Variants in FBXL17 observed in about 807,000 individuals in gnomAD.
FBXL17 encodes F-box and leucine rich repeat protein 17.
Under a neutral mutation model 66.2 loss-of-function variants are expected in FBXL17, and 22 were observed. The observed-to-expected ratio is 0.33, with a 90% CI of 0.24 to 0.47. The LOEUF is 0.47. Among genes scored for constraint, FBXL17 ranks in the 20% least tolerant of loss-of-function variants. The probability of loss-of-function intolerance (pLI) is 1.00; values close to 1 mark genes in which losing one functional copy is unlikely to be tolerated. For synonymous variants in FBXL17, 474 were observed against 400.5 expected (o/e 1.18, Z -2.19); for missense variants, 878 against 948.2 (o/e 0.93, Z 0.97).
chr5:108,131,501 C>G (rs1346321006), intron 6 of FBXL17, among the ~76,000 whole-genome samples: 1 of 152,072 alleles, frequency 6.6e-6, no homozygotes, highest in Non-Finnish European at 1.5e-5. Context: ...TGAGAACCTA[C>G]ACCTTAGAAG....
At chr5:108,326,316 G>T (rs1314947618) in intron 4 of FBXL17, among the ~76,000 whole-genome samples, 4 of 152,088 alleles carry the variant, frequency 2.6e-5, no homozygotes, top group Non-Finnish European at 5.9e-5. Flanking sequence ...GATTTGGCTG[G>T]GCGCAGTGGC....
chr5:107,908,562 A>G (rs1749838671), intron 7 of FBXL17, among the ~76,000 whole-genome samples: 1 of 152,212 alleles, frequency 6.6e-6, no homozygotes, highest in African/African-American at 2.4e-5. Flanking sequence ...TATGCAATTA[A>G]TTCTCCATAA....
intron 7 of FBXL17, among the ~76,000 whole-genome samples, chr5:107,955,317 T>C (rs1413903685): frequency 6.6e-6 from 1 of 151,986 alleles, no homozygotes; most frequent in Non-Finnish European, 1.5e-5. Flanking sequence ...TTAGAGTGTC[T>C]AACGTGAGTA....
intron 6 of FBXL17, among the ~76,000 whole-genome samples, chr5:108,104,840 T>C (rs1353506863): frequency 6.6e-6 from 1 of 152,148 alleles, no homozygotes; most frequent in Non-Finnish European, 1.5e-5. Context: ...TTTTTTGTTT[T>C]GTTTTGTTTT....
Position 108,025,727 on chromosome 5 carries a change from G to A in FBXL17, c.1746-4726C>T, listed in dbSNP as rs371246624. Among the ~76,000 whole-genome samples, 241 of 141,230 alleles carry A rather than the reference G, an allele frequency of 1.7e-3. 1 individual carries two copies. Among genetic ancestry groups the A allele is most frequent in the Middle Eastern group, 0.011 (3 of 278 alleles). 92.7% of individuals were successfully genotyped at this position (141,230 alleles called of 152,430 possible). ...CAAACACACACACACACGCGCGCGC[G>A]CACACACACACACACACACACACAC... On this transcript the variant is annotated intron_variant, in intron 6 of 8. Coordinates refer to ENST00000542267, the MANE Select transcript of FBXL17 (RefSeq NM_001163315.3).
intron 6 of FBXL17, among the ~76,000 whole-genome samples, chr5:108,025,721 G>A (rs12655498): frequency 0.15 from 18,195 of 120,126 alleles, 1,335 homozygotes; most frequent in East Asian, 0.22. Context: ...ACACACACGC[G>A]CGCGCGCACA....
chr5:107,982,323 C>T (rs1423932778), intron 7 of FBXL17, among the ~76,000 whole-genome samples: 1 of 152,056 alleles, frequency 6.6e-6, no homozygotes, highest in African/African-American at 2.4e-5. Flanking sequence ...ACCTTATCTA[C>T]ACAAAAGGCT....
At chr5:108,024,953 T>C (rs1301673456) in intron 6 of FBXL17, among the ~76,000 whole-genome samples, 1 of 152,186 alleles carries the variant, frequency 6.6e-6, no homozygotes, top group Non-Finnish European at 1.5e-5. Flanking sequence ...TAAAGGTTAA[T>C]GAATTAAGCT....
At chr5:108,013,781 T>C (rs1442155418) in intron 7 of FBXL17, among the ~76,000 whole-genome samples, 2 of 152,192 alleles carry the variant, frequency 1.3e-5, no homozygotes, top group Non-Finnish European at 2.9e-5. Context: ...GCTGATTTCC[T>C]ACCCAATGCT....
At chr5:108,171,701 T>G (rs558254829) in intron 6 of FBXL17, among the ~76,000 whole-genome samples, 192 of 152,354 alleles carry the variant, frequency 1.3e-3, no homozygotes, top group Middle Eastern at 0.01. Context: ...GCCAAGCAAT[T>G]CTGCTAGTTT....
Position 108,153,288 on chromosome 5 carries a change from TGG to T in FBXL17, c.1745+32827_1745+32828del, listed in dbSNP as rs371016975. 4.2e-3 allele frequency among the ~76,000 whole-genome samples: 640 copies of T among 152,336 alleles called. 3 individuals are homozygous for T. Among genetic ancestry groups the T allele is most frequent in the African/African-American group, 0.015 (611 of 41,566 alleles). On this transcript the variant is annotated intron_variant, in intron 6 of 8. Transcript: ENST00000542267. The stretch of plus-strand genomic sequence containing the variant: ...AGCATATAAATTGAATCTTGAAATA[TGG>T]ATCTAAACTAAAAATTTCTATTTTA...
intron 6 of FBXL17, among the ~76,000 whole-genome samples, chr5:108,123,916 G>A (rs1340277269): frequency 6.6e-6 from 1 of 152,118 alleles, no homozygotes; most frequent in Non-Finnish European, 1.5e-5. Flanking sequence ...ACCTACGGCT[G>A]AGAGTTCTTC....
intron 4 of FBXL17, among the ~76,000 whole-genome samples, chr5:108,267,488 T>C (rs551755352): frequency 6.3e-4 from 96 of 152,238 alleles, no homozygotes; most frequent in Non-Finnish European, 1.3e-3. Context: ...TACTTAATCT[T>C]ACTCCTACTA....
intron 8 of FBXL17, among the ~76,000 whole-genome samples, chr5:107,869,639 C>T (rs765241914): frequency 1.3e-5 from 2 of 151,560 alleles, no homozygotes; most frequent in African/African-American, 2.4e-5. Flanking sequence ...TATCTCTCTC[C>T]CTTTGCAGCA....
intron 6 of FBXL17, among the ~76,000 whole-genome samples, chr5:108,173,608 C>A (rs1340110346): frequency 2.0e-5 from 3 of 152,162 alleles, no homozygotes; most frequent in Non-Finnish European, 1.5e-5. Flanking sequence ...TAATACAATA[C>A]AACCTATTTT....
chr5:107,885,829 G>A (rs1325781268), intron 7 of FBXL17, among the ~76,000 whole-genome samples: 1 of 152,062 alleles, frequency 6.6e-6, no homozygotes, highest in Non-Finnish European at 1.5e-5. Context: ...AAGCAGGCAC[G>A]AGATGTGGGG....
intron 4 of FBXL17, among the ~76,000 whole-genome samples, chr5:108,317,958 TTAAA>T (rs1029039177): frequency 6.6e-6 from 1 of 151,614 alleles, no homozygotes; most frequent in African/African-American, 2.4e-5. Flanking sequence ...TTACAGATAA[TTAAA>T]TAATTACAAA....
At chr5:108,015,778 A>G (rs573838875) in intron 7 of FBXL17, among the ~76,000 whole-genome samples, 1 of 152,272 alleles carries the variant, frequency 6.6e-6, no homozygotes. Flanking sequence ...TGGTATCCCA[A>G]GGAGAGGTAG....
intron 4 of FBXL17, among the ~76,000 whole-genome samples, chr5:108,301,243 A>G (rs1409264176): frequency 1.3e-5 from 2 of 151,768 alleles, no homozygotes; most frequent in Non-Finnish European, 2.9e-5. Flanking sequence ...GAGGGGACAC[A>G]TATGTATATA....
Sources: allele counts gnomAD v4.1 joint callset (sites outside exome capture counted in the v4.1 genomes callset), GRCh38; gene constraint gnomAD v4.1.1; transcripts MANE v1.5; gene names NCBI Gene and HGNC (gene_info 2026-07-23, HGNC 2026-07-21).